The following ARNT variants were observed in gnomAD, a reference collection of about 807,000 sequenced individuals.
The protein encoded by ARNT is class E basic helix-loop-helix protein 2.
A neutral mutation model predicts 105.0 loss-of-function variants in ARNT; 30 were observed. That is an observed-to-expected ratio of 0.29 (90% CI 0.21 to 0.39). The LOEUF is 0.39. ARNT is among the 10% of genes least tolerant of loss of function. The pLI, the probability that ARNT is intolerant of heterozygous loss-of-function variation, is 1.00. For synonymous variants in ARNT, 304 were observed against 344.0 expected, an observed-to-expected ratio of 0.88 and a Z score of 1.29; for missense variants, 748 against 978.7, an observed-to-expected ratio of 0.76 and a Z score of 3.15.
chr1:150,845,303 TTAAAA>T (rs1268651786), intron 4 of ARNT, among the ~76,000 whole-genome samples: 2 of 151,946 alleles, frequency 1.3e-5, no homozygotes, highest in Non-Finnish European at 2.9e-5. Flanking sequence ...TATACATATC[TTAAAA>T]TAAAATAATA....
intron 1 of ARNT, among the ~76,000 whole-genome samples, chr1:150,876,156 G>A (rs1668208423): frequency 6.6e-6 from 1 of 152,226 alleles, no homozygotes; most frequent in Admixed American, 6.5e-5. Flanking sequence ...TACTCTTAAA[G>A]TAAACCGAGA....
intron 2 of ARNT, among the ~76,000 whole-genome samples, chr1:150,857,982 C>G (rs1180211956): frequency 6.6e-6 from 1 of 152,178 alleles, no homozygotes; most frequent in Non-Finnish European, 1.5e-5. Flanking sequence ...TATTCTAGAG[C>G]TCAGCATTCT....
At chr1:150,867,898 T>C (rs960583438) in intron 1 of ARNT, among the ~76,000 whole-genome samples, 1 of 152,150 alleles carries the variant, frequency 6.6e-6, no homozygotes, top group Admixed American at 6.6e-5. Context: ...CCTTCCGCCA[T>C]GATTCCAAGT....
rs761851134 is a variant in ARNT, at chr1:150,832,341, T to C, written c.862A>G (p.Arg288Gly). 11 of 1,614,174 alleles carry C rather than the reference T, an allele frequency of 6.8e-6. No individual in the cohort carries two copies. Among genetic ancestry groups the C allele is most frequent in the Non-Finnish European group, 9.3e-6 (11 of 1,180,012 alleles). ...SVNRLSFVRN[R>G]CRNGLGSVKD... ...CACCACTTAGGATCTCACCTGCATC[T>C]GTTCCTCACAAAGCTCAGCCTATTC... The change falls in exon 9 of 22, where the codon AGA becomes GGA. Residue 288 changes from arginine to glycine, a missense_variant. Transcript: ENST00000358595.
chr1:150,831,188 T>C (rs1349761592), intron 10 of ARNT, among the ~76,000 whole-genome samples: 1 of 152,188 alleles, frequency 6.6e-6, no homozygotes, highest in African/African-American at 2.4e-5. Context: ...CCAAAACACA[T>C]CACCTTGCTT....
chr1:150,815,559 A>G (rs1482842811), intron 19 of ARNT, among the ~76,000 whole-genome samples: 1 of 137,056 alleles, frequency 7.3e-6, no homozygotes, highest in East Asian at 2.3e-4. Context: ...TCAAGAAAAA[A>G]AAAAAAAAAG....
At position 150,832,324 on chromosome 1, in the gene ARNT, A is replaced by C. The variant is rs1659496056; in HGVS notation, c.869+10T>G. 1 of 1,614,106 alleles carries C rather than the reference A, an allele frequency of 6.2e-7. No individual in the cohort carries two copies. The highest frequency in any genetic ancestry group is 1.1e-5 in the South Asian group (1 of 91,080). The stretch of plus-strand genomic sequence containing the variant: ...GCCATCCCTTTGGTTTTCACCACTT[A>C]GGATCTCACCTGCATCTGTTCCTCA... On this transcript the variant is annotated intron_variant, in intron 9 of 21. Transcript: ENST00000358595.
In ARNT at chr1:150,812,078, G is replaced by A; in HGVS notation, c.2313C>T (p.Asn771=). The change falls in exon 22 of 22, where the codon AAC becomes AAT. Residue 771 remains asparagine (N), a synonymous_variant. Transcript: ENST00000358595. ...CAGGGAATTCTTCATTGTTGTAGCT[G>A]TTGCTCTGATCTCCCAGCATGGACA... is the stretch of plus-strand genomic sequence containing the variant. ...EMLSMLGDQS[N]SYNNEEFPDL... 1 of 1,573,338 alleles carries A rather than the reference G, an allele frequency of 6.4e-7. No individual in the cohort carries two copies. Among genetic ancestry groups the A allele is most frequent in the Non-Finnish European group, 8.6e-7 (1 of 1,157,050 alleles).
At chr1:150,838,280 C>T (rs981279413) in intron 6 of ARNT, among the ~76,000 whole-genome samples, 1 of 152,168 alleles carries the variant, frequency 6.6e-6, no homozygotes, top group Non-Finnish European at 1.5e-5. Context: ...TACTCCCCAA[C>T]TCATTTTCCA....
chr1:150,868,420 A>G (rs1052180739), intron 1 of ARNT, among the ~76,000 whole-genome samples: 1 of 152,226 alleles, frequency 6.6e-6, no homozygotes, highest in Non-Finnish European at 1.5e-5. Context: ...AGGAACAATC[A>G]GTGATAAAGA....
intron 1 of ARNT, among the ~76,000 whole-genome samples, chr1:150,867,502 T>C (rs1437014782): frequency 5.3e-5 from 8 of 152,184 alleles, no homozygotes; most frequent in Middle Eastern, 3.4e-3. Flanking sequence ...CTGGGCAACA[T>C]AGTAAAACCC....
intron 21 of ARNT, among the ~76,000 whole-genome samples, chr1:150,812,388 C>A (rs1433909458): frequency 6.6e-6 from 1 of 152,064 alleles, no homozygotes; most frequent in East Asian, 1.9e-4. Context: ...TCATATAACC[C>A]CCTATAGACA....
intron 19 of ARNT, 38 bp from the exon 20 acceptor site, chr1:150,814,277 G>A (rs1279642749): frequency 1.3e-6 from 2 of 1,597,876 alleles, no homozygotes; most frequent in East Asian, 2.2e-5. Context: ...AACAAATACA[G>A]CATTAACATC....
intron 2 of ARNT, among the ~76,000 whole-genome samples, chr1:150,856,852 T>C (rs1664706561): frequency 1.3e-5 from 2 of 151,652 alleles, no homozygotes; most frequent in African/African-American, 2.4e-5. Flanking sequence ...CCCAGTACTT[T>C]GGGAGGCCAA....
At chr1:150,836,516 A>T (rs1660356071) in intron 6 of ARNT, 23 bp from the exon 7 acceptor site, 1 of 1,605,966 alleles carries the variant, frequency 6.2e-7, no homozygotes, top group African/African-American at 1.3e-5. Context: ...AAGAAATAGA[A>T]GTTAATATTT....
rs761782155 is a variant in ARNT at position 150,811,411 on chromosome 1, A to C, written c.*610T>G. 145 of 233,430 alleles carry C rather than the reference A, an allele frequency of 6.2e-4. 2 individuals are homozygous for C. Among genetic ancestry groups the C allele is most frequent in the Non-Finnish European group, 1.1e-4 (13 of 117,922 alleles). 14.5% of individuals were successfully genotyped at this position (233,430 alleles called of 1,614,324 possible). On this transcript the variant is annotated 3_prime_UTR_variant, in exon 22 of 22. Transcript: ENST00000358595. Reference sequence around the variant, plus strand: ...AGGTAAAATCGGGGACAAATTTTGCATAACTCCCTAATAGGGAGAAAGAGT... The same window carrying C: ...AGGTAAAATCGGGGACAAATTTTGCCTAACTCCCTAATAGGGAGAAAGAGT...
chr1:150,826,491 T>C, intron 13 of ARNT, 52 bp downstream of exon 13: 3 of 1,429,064 alleles, frequency 2.1e-6, no homozygotes, highest in Non-Finnish European at 2.9e-6. Flanking sequence ...TCAATATTTA[T>C]GGAGTGAATA....
rs986433028 is a variant in ARNT, at chr1:150,809,972, A to G, written c.*2049T>C. On this transcript the variant is annotated 3_prime_UTR_variant, in exon 22 of 22. Coordinates refer to ENST00000358595, the MANE Select transcript of ARNT (RefSeq NM_001668.4). ...TTCTGATTCCTGAAATTAAAGACAC[A>G]ATGTGCCTTATGTTTGTATGTCTGG... 2.2e-5 allele frequency: 5 copies of G among 225,448 alleles called. No homozygotes were observed. The highest frequency in any genetic ancestry group is 6.9e-5 in the African/African-American group (3 of 43,768). The allele number at this position is 225,448 out of a possible 1,614,324, so 14.0% of individuals were successfully genotyped here. A position where few individuals can be genotyped will look rare whatever the true frequency, so the allele number is the denominator to read the frequency against.
Position 150,853,032 on chromosome 1 carries a change from G to A in ARNT, c.138-226C>T, listed in dbSNP as rs889768659. 14 of 545,958 alleles carry A rather than the reference G, an allele frequency of 2.6e-5. No homozygotes were observed. In the Admixed American group the frequency reaches 3.6e-4, roughly 14 times the overall value. The allele number at this position is 545,958 out of a possible 1,614,324, so 33.8% of individuals were successfully genotyped here. The stretch of plus-strand genomic sequence containing the variant: ...GTGGTGGCTCACGCCTGTAATCCCA[G>A]CACTTTGGAAGGCTGAGGTGGGTGG... On this transcript the variant is annotated intron_variant, in intron 2 of 21. Coordinates refer to ENST00000358595, the MANE Select transcript of ARNT (RefSeq NM_001668.4).
Sources: gnomAD v4.1 joint callset for allele counts (sites outside exome capture counted in the v4.1 genomes callset) on GRCh38, gnomAD v4.1.1 for gene constraint, MANE v1.5 for transcripts, NCBI Gene and HGNC (gene_info 2026-07-23, HGNC 2026-07-21) for gene names.